The following PIK3CB variants were observed in gnomAD, a reference collection of about 807,000 sequenced individuals.
PIK3CB encodes phosphatidylinositol 4,5-bisphosphate 3-kinase catalytic subunit beta isoform.
PIK3CB carries 39 observed loss-of-function variants against 136.8 expected under a neutral mutation model. That is an observed-to-expected ratio of 0.29 (90% CI 0.22 to 0.37). The LOEUF is 0.37. Ranked by LOEUF, PIK3CB falls within the 10% of genes least tolerant of loss-of-function variation. PIK3CB has a pLI of 1.00. For missense variants in PIK3CB, 868 were observed against 1,275.4 expected, an observed-to-expected ratio of 0.68 and a Z score of 4.87; for synonymous variants, 428 against 436.6, an observed-to-expected ratio of 0.98 and a Z score of 0.25.
intron 19 of PIK3CB, among the ~76,000 whole-genome samples, chr3:138,667,207 CAAAAAAAAAA>C (rs149370978): frequency 1.4e-5 from 1 of 72,678 alleles, no homozygotes; most frequent in Non-Finnish European, 2.5e-5. Flanking sequence ...GACTCTGTCT[CAAAAAAAAAA>C]AAAAAAAAAA....
At chr3:138,807,565 A>G (rs1177830231) in intron 1 of PIK3CB, among the ~76,000 whole-genome samples, 4 of 152,146 alleles carry the variant, frequency 2.6e-5, no homozygotes, top group South Asian at 4.1e-4. Flanking sequence ...GTACATCCAC[A>G]TAACGGAATG....
intron 20 of PIK3CB, among the ~76,000 whole-genome samples, chr3:138,664,622 A>G (rs1417804372): frequency 1.3e-5 from 2 of 152,170 alleles, no homozygotes; most frequent in African/African-American, 4.8e-5. Context: ...TATTTCCTAT[A>G]TATTAGTGCT....
chr3:138,688,809 G>T, intron 16 of PIK3CB, 66 bp downstream of exon 16: 1 of 906,658 alleles, frequency 1.1e-6, no homozygotes, highest in South Asian at 1.4e-5. Flanking sequence ...AAAACAAGCT[G>T]ATATTCATGC....
chr3:138,706,432 T>C (rs1297415910), intron 11 of PIK3CB, among the ~76,000 whole-genome samples: 1 of 152,178 alleles, frequency 6.6e-6, no homozygotes, highest in Non-Finnish European at 1.5e-5. Flanking sequence ...AATAACTACA[T>C]TAGGAAGCGC....
At chr3:138,677,687 G>A (rs1367446825) in intron 19 of PIK3CB, among the ~76,000 whole-genome samples, 2 of 152,176 alleles carry the variant, frequency 1.3e-5, no homozygotes, top group East Asian at 1.9e-4. Flanking sequence ...ACCTGAAGTC[G>A]GGAGTTCAAG....
At chr3:138,744,240 A>C (rs1439680552) in intron 4 of PIK3CB, among the ~76,000 whole-genome samples, 1 of 151,398 alleles carries the variant, frequency 6.6e-6, no homozygotes, top group Non-Finnish European at 1.5e-5. Context: ...AAAAATACAA[A>C]AAACATTAGC....
At chr3:138,734,969 T>C (rs79328855) in intron 6 of PIK3CB, among the ~76,000 whole-genome samples, 165 bp from the exon 7 acceptor site, 1 of 151,080 alleles carries the variant, frequency 6.6e-6, no homozygotes, top group Non-Finnish European at 1.5e-5. Context: ...TTTTTTTTTT[T>C]TGAGACAGGG....
At chr3:138,666,639 TAAG>T (rs2043416315) in intron 19 of PIK3CB, among the ~76,000 whole-genome samples, 1 of 152,154 alleles carries the variant, frequency 6.6e-6, no homozygotes, top group Admixed American at 6.5e-5. Context: ...TCTATTATAA[TAAG>T]AACACCAAAA....
intron 19 of PIK3CB, among the ~76,000 whole-genome samples, chr3:138,668,142 A>G (rs1282108223): frequency 6.6e-6 from 1 of 152,132 alleles, no homozygotes; most frequent in Admixed American, 6.5e-5. Context: ...TCAAAATACA[A>G]AATAAGAGAA....
At chr3:138,737,394 C>CGA (rs2045132523) in intron 6 of PIK3CB, among the ~76,000 whole-genome samples, 1 of 39,076 alleles carries the variant, frequency 2.6e-5, no homozygotes. Flanking sequence ...CACTCTGTCT[C>CGA]AAAAAAAAAA....
chr3:138,753,785 G>A (rs1402791135), intron 4 of PIK3CB, among the ~76,000 whole-genome samples: 1 of 151,958 alleles, frequency 6.6e-6, no homozygotes, highest in Non-Finnish European at 1.5e-5. Flanking sequence ...CAGCCTAGGT[G>A]ACAGAAAGAG....
intron 2 of PIK3CB, among the ~76,000 whole-genome samples, chr3:138,795,212 T>C (rs2108825362): frequency 6.7e-6 from 1 of 150,302 alleles, no homozygotes; most frequent in East Asian, 2.0e-4. Context: ...CCCAGCTACT[T>C]GGGAGACTGA....
chr3:138,684,046 C>T (rs1033584105), intron 17 of PIK3CB, among the ~76,000 whole-genome samples: 1 of 152,182 alleles, frequency 6.6e-6, no homozygotes, highest in African/African-American at 2.4e-5. Context: ...TTCCTTCTCT[C>T]GTTTCCTTTT....
intron 8 of PIK3CB, among the ~76,000 whole-genome samples, chr3:138,715,762 A>C (rs2044594082): frequency 6.6e-6 from 1 of 151,714 alleles, no homozygotes; most frequent in African/African-American, 2.4e-5. Flanking sequence ...TATGAGTTTA[A>C]AACCTACTAA....
chr3:138,654,657 C>T lies in PIK3CB; in HGVS notation c.*732G>A. 1 of 223,622 alleles carries T rather than the reference C, an allele frequency of 4.5e-6. No individual in the cohort carries two copies. 13.9% of individuals were successfully genotyped at this position (223,622 alleles called of 1,614,324 possible). On this transcript the variant is annotated 3_prime_UTR_variant, in exon 24 of 24. Coordinates refer to ENST00000674063, the MANE Select transcript of PIK3CB (RefSeq NM_006219.3). ...AACTGAAAAGTAACTTAGGAAAAAG[C>T]TCTGCTTTTTGTAAAACTTTAAATC...
chr3:138,808,737 T>TCG (rs937641574), intron 1 of PIK3CB, among the ~76,000 whole-genome samples: 5 of 150,876 alleles, frequency 3.3e-5, no homozygotes. Context: ...TCTCCTTTTC[T>TCG]CTCTCTCTCT....
intron 18 of PIK3CB, 23 bp downstream of exon 18, chr3:138,683,655 A>T (rs1301990105): frequency 1.7e-6 from 2 of 1,148,094 alleles, no homozygotes; most frequent in Non-Finnish European, 2.6e-6. Flanking sequence ...AAGAAATTTG[A>T]TGTTAAAAAT....
chr3:138,700,056 TA>T (rs944223267), intron 12 of PIK3CB, among the ~76,000 whole-genome samples: 1 of 151,740 alleles, frequency 6.6e-6, no homozygotes, highest in Non-Finnish European at 1.5e-5. Context: ...AAATAGAAAT[TA>T]AAAAAAAATT....
intron 2 of PIK3CB, among the ~76,000 whole-genome samples, chr3:138,766,222 G>C (rs1052330920): frequency 6.6e-6 from 1 of 152,124 alleles, no homozygotes; most frequent in Non-Finnish European, 1.5e-5. Flanking sequence ...CTATTTTCAG[G>C]ATAAGGCATC....
Sources: allele counts gnomAD v4.1 joint callset (sites outside exome capture counted in the v4.1 genomes callset), GRCh38; gene constraint gnomAD v4.1.1; transcripts MANE v1.5; gene names NCBI Gene and HGNC (gene_info 2026-07-23, HGNC 2026-07-21).